Variants in GNA14 observed in about 807,000 individuals in gnomAD.
The protein encoded by GNA14 is guanine nucleotide-binding protein subunit alpha-14.
In GNA14, 50 loss-of-function variants were observed where a neutral mutation model predicts 42.0. The observed-to-expected ratio is 1.19, with a 90% CI of 0.95 to 1.51. The LOEUF is 1.51. Ranked by LOEUF, GNA14 falls within the 40% of genes most tolerant of loss-of-function variation. The pLI, the probability that GNA14 is intolerant of heterozygous loss-of-function variation, is 0.00. For synonymous variants in GNA14, 173 were observed against 163.1 expected, an observed-to-expected ratio of 1.06 and a Z score of -0.46; for missense variants, 473 against 446.2, an observed-to-expected ratio of 1.06 and a Z score of -0.54.
intron 1 of GNA14, among the ~76,000 whole-genome samples, chr9:77,627,888 C>T (rs1824037752): frequency 6.6e-6 from 1 of 152,002 alleles, no homozygotes; most frequent in South Asian, 2.1e-4. Context: ...GAAGATCTAG[C>T]CAGAGCAATC....
At chr9:77,431,568 C>T in intron 3 of GNA14, 119 bp from the exon 4 acceptor site, 1 of 851,668 alleles carries the variant, frequency 1.2e-6, no homozygotes, top group Non-Finnish European at 1.8e-6. Context: ...CGAATTCCAT[C>T]AATGACTTTC....
At chr9:77,435,596 A>G (rs73454068) in intron 2 of GNA14, among the ~76,000 whole-genome samples, 2,025 of 152,210 alleles carry the variant, frequency 0.013, 46 homozygotes, top group African/African-American at 0.047. Flanking sequence ...TTATTGCTCT[A>G]TTACTACAGT....
chr9:77,533,361 G>T (rs770661624), intron 1 of GNA14, among the ~76,000 whole-genome samples: 1 of 152,144 alleles, frequency 6.6e-6, no homozygotes, highest in Non-Finnish European at 1.5e-5. Context: ...TGTATTTTTA[G>T]TAGAGACAGG....
At chr9:77,626,136 G>C (rs554279202) in intron 1 of GNA14, among the ~76,000 whole-genome samples, 1 of 151,984 alleles carries the variant, frequency 6.6e-6, no homozygotes, top group African/African-American at 2.4e-5. Context: ...GATCAAAAGA[G>C]ACAAATAAGG....
intron 1 of GNA14, among the ~76,000 whole-genome samples, chr9:77,584,565 C>A (rs1823272647): frequency 6.7e-6 from 1 of 149,240 alleles, no homozygotes; most frequent in Non-Finnish European, 1.5e-5. Flanking sequence ...CAGGAAGAGC[C>A]AGCAAGCCCA....
chr9:77,644,437 C>CCAAAAAAAAAAAAAAAAAAAAAAAAAAA lies in GNA14; in HGVS notation c.124+3232_124+3233insTTTTTTTTTTTTTTTTTTTTTTTTTTTG, dbSNP rs778013639. On this transcript the variant is annotated intron_variant, in intron 1 of 6. Coordinates refer to ENST00000341700, the MANE Select transcript of GNA14 (RefSeq NM_004297.4). Reference sequence around the variant, plus strand: ...TACTGAACTCCAACCTAAAGAGTGTCAAAAAAAAAAAAAAAAAAAAAAAAA... The same window carrying CCAAAAAAAAAAAAAAAAAAAAAAAAAAA: ...TACTGAACTCCAACCTAAAGAGTGTCCAAAAAAAAAAAAAAAAAAAAAAAAAAAAAAAAAAAAAAAAAAAAAAAAAAAA... 1.2e-4 allele frequency among the ~76,000 whole-genome samples: 4 copies of CCAAAAAAAAAAAAAAAAAAAAAAAAAAA among 34,010 alleles called. 1 individual carries two copies. Among genetic ancestry groups the CCAAAAAAAAAAAAAAAAAAAAAAAAAAA allele is most frequent in the Admixed American group, 4.1e-4 (1 of 2,414 alleles). 22.3% of individuals were successfully genotyped at this position (34,010 alleles called of 152,430 possible).
At chr9:77,478,201 C>T (rs1216635915) in intron 2 of GNA14, among the ~76,000 whole-genome samples, 13 of 151,108 alleles carry the variant, frequency 8.6e-5, no homozygotes, top group East Asian at 5.9e-4. Flanking sequence ...CAACAGTCCC[C>T]GGAGTGTGAT....
chr9:77,585,735 C>A (rs1014675837), intron 1 of GNA14, among the ~76,000 whole-genome samples: 4 of 152,188 alleles, frequency 2.6e-5, no homozygotes, highest in African/African-American at 7.2e-5. Flanking sequence ...AGATAGTATA[C>A]CTCTACTAAT....
intron 1 of GNA14, among the ~76,000 whole-genome samples, chr9:77,586,788 C>G (rs1010877174): frequency 6.6e-6 from 1 of 152,182 alleles, no homozygotes; most frequent in African/African-American, 2.4e-5. Context: ...GGTTCTCTAC[C>G]TGGCCAGCGC....
At chr9:77,454,795 A>G (rs1005424957) in intron 2 of GNA14, among the ~76,000 whole-genome samples, 2 of 152,190 alleles carry the variant, frequency 1.3e-5, no homozygotes, top group Non-Finnish European at 2.9e-5. Context: ...TTCTAATGCG[A>G]ACAGTCAGGG....
chr9:77,463,728 G>A (rs1478724779), intron 2 of GNA14, among the ~76,000 whole-genome samples: 1 of 152,016 alleles, frequency 6.6e-6, no homozygotes, highest in Non-Finnish European at 1.5e-5. Context: ...ATCATGCCAG[G>A]TTCAATAGGT....
At chr9:77,634,495 G>GGGAGTGAGGGAC (rs1824150216) in intron 1 of GNA14, among the ~76,000 whole-genome samples, 1 of 151,064 alleles carries the variant, frequency 6.6e-6, no homozygotes, top group East Asian at 1.9e-4. Flanking sequence ...AAGGAAGGAA[G>GGGAGTGAGGGAC]GGAGTGAGGG....
At chr9:77,566,145 CTTTTTTTTT>C (rs956489720) in intron 1 of GNA14, among the ~76,000 whole-genome samples, 4 of 102,510 alleles carry the variant, frequency 3.9e-5, no homozygotes, top group Non-Finnish European at 5.8e-5. Flanking sequence ...GGGAGTGCTT[CTTTTTTTTT>C]TTTTTTTTTT....
chr9:77,538,651 A>C (rs1837624965), intron 1 of GNA14, among the ~76,000 whole-genome samples: 1 of 152,078 alleles, frequency 6.6e-6, no homozygotes, highest in South Asian at 2.1e-4. Flanking sequence ...CACCTCACTG[A>C]TTAAATTTAT....
intron 2 of GNA14, among the ~76,000 whole-genome samples, chr9:77,455,420 A>G (rs994661202): frequency 4.6e-5 from 7 of 152,208 alleles, no homozygotes; most frequent in Non-Finnish European, 1.0e-4. Context: ...TTCACTTTGT[A>G]TATCCCATAA....
chr9:77,506,147 T>A (rs1837064816), intron 2 of GNA14, among the ~76,000 whole-genome samples: 1 of 151,474 alleles, frequency 6.6e-6, no homozygotes, highest in African/African-American at 2.4e-5. Context: ...CCAGGCATGG[T>A]GGTGCATGCC....
intron 2 of GNA14, among the ~76,000 whole-genome samples, chr9:77,454,441 C>T (rs1488118549): frequency 6.6e-6 from 1 of 152,220 alleles, no homozygotes; most frequent in East Asian, 1.9e-4. Flanking sequence ...AGGTCTCCTG[C>T]TCTCCTGTGG....
chr9:77,455,188 C>T (rs1213783195), intron 2 of GNA14, among the ~76,000 whole-genome samples: 1 of 152,172 alleles, frequency 6.6e-6, no homozygotes, highest in Non-Finnish European at 1.5e-5. Context: ...TCCCTGTTGT[C>T]TCATCAGCTG....
intron 1 of GNA14, among the ~76,000 whole-genome samples, chr9:77,617,653 C>A (rs539808312): frequency 6.6e-6 from 1 of 152,118 alleles, no homozygotes; most frequent in South Asian, 2.1e-4. Flanking sequence ...TTCTTGGCCT[C>A]CCCTAACACT....
Sources: gnomAD v4.1 joint callset for allele counts (sites outside exome capture counted in the v4.1 genomes callset) on GRCh38, gnomAD v4.1.1 for gene constraint, MANE v1.5 for transcripts, NCBI Gene and HGNC (gene_info 2026-07-23, HGNC 2026-07-21) for gene names.